CCT6B: variants seen among roughly 807,000 people sequenced by gnomAD.
The protein encoded by CCT6B is chaperonin containing TCP1 subunit 6B, also known as probable T-complex protein 1 subunit zeta-2.
In CCT6B, 49 loss-of-function variants were observed where a neutral mutation model predicts 61.5. The observed-to-expected ratio is 0.80, with a 90% CI of 0.63 to 1.01. The LOEUF is 1.01. CCT6B is among the 50% of genes least tolerant of loss of function. The probability of loss-of-function intolerance (pLI) is 0.00; values close to 1 mark genes in which losing one functional copy is unlikely to be tolerated. For synonymous variants in CCT6B, 228 were observed against 214.5 expected, an observed-to-expected ratio of 1.06 and a Z score of -0.55; for missense variants, 666 against 634.7, an observed-to-expected ratio of 1.05 and a Z score of -0.53.
At chr17:34,950,145 T>C (rs1219796129) in intron 5 of CCT6B, among the ~76,000 whole-genome samples, 1 of 152,126 alleles carries the variant, frequency 6.6e-6, no homozygotes, top group Non-Finnish European at 1.5e-5. Context: ...CTAGTTGAAA[T>C]TAGAAAATAT....
At chr17:34,942,442 A>T in intron 7 of CCT6B, 42 bp downstream of exon 7, 1 of 1,517,442 alleles carries the variant, frequency 6.6e-7, no homozygotes, top group South Asian at 1.2e-5. Context: ...GAAATGCTTA[A>T]GAACATTTAC....
In CCT6B at chr17:34,942,564, C is replaced by A. The variant is rs570795534; in HGVS notation, c.805G>T (p.Asp269Tyr). 15 of 1,607,180 alleles carry A rather than the reference C, an allele frequency of 9.3e-6. No individual in the cohort carries two copies. Among genetic ancestry groups the A allele is most frequent in the Non-Finnish European group, 1.3e-5 (15 of 1,176,588 alleles). Residue 269 changes from aspartate (D) to tyrosine (Y), a missense_variant, in exon 7 of 14, where the codon GAT (aspartate) becomes TAT (tyrosine). Coordinates refer to ENST00000314144, the MANE Select transcript of CCT6B (RefSeq NM_006584.4). ...AGGTCTATTATTTTTTGTACTCTAT[C>A]TTCAATAAATTTTCTTTCAGCTTTT... The part of the protein sequence containing the change: ...LVKAERKFIE[D>Y]RVQKIIDLKD...
chr17:34,940,290 T>C (rs543681451), intron 8 of CCT6B, among the ~76,000 whole-genome samples: 10 of 152,210 alleles, frequency 6.6e-5, no homozygotes, highest in Non-Finnish European at 1.2e-4. Context: ...TATGTTGTAT[T>C]GTTTTGTTTT....
chr17:34,936,184 G>T (rs1317129352), intron 10 of CCT6B, among the ~76,000 whole-genome samples: 2 of 152,040 alleles, frequency 1.3e-5, no homozygotes, highest in Non-Finnish European at 2.9e-5. Context: ...CCTGACCTCA[G>T]GTGACCCATG....
intron 5 of CCT6B, chr17:34,949,473 A>AT (rs2090265980): frequency 1.4e-5 from 2 of 145,088 alleles, no homozygotes; most frequent in Admixed American, 1.4e-4. Flanking sequence ...AAAAAAAAAA[A>AT]GAAAGGAAAG....
chr17:34,929,092 T>C, intron 12 of CCT6B, 58 bp from the exon 13 acceptor site: 1 of 1,011,246 alleles, frequency 9.9e-7, no homozygotes, highest in Non-Finnish European at 1.5e-6. Flanking sequence ...TAATATTAAT[T>C]GATATCTTCT....
intron 5 of CCT6B, among the ~76,000 whole-genome samples, chr17:34,948,713 TA>T (rs1555550225): frequency 1.7e-3 from 127 of 75,338 alleles, no homozygotes; most frequent in Middle Eastern, 0.01. Context: ...AAACTCCATC[TA>T]AAAAAAAAAA....
rs925769794 is a variant in CCT6B, at chr17:34,939,418, A to G, written c.1066-88T>C. On this transcript the variant is annotated intron_variant, in intron 9 of 13. Transcript: ENST00000314144. ...ATACTAGAATACAATCTTCATTTGA[A>G]TTTTTCTTATCAAGCATAACTAAGG... is the stretch of plus-strand genomic sequence containing the variant. The G allele has an allele frequency of 6.9e-6, 8 of 1,159,304 alleles. No individual in the cohort carries two copies. The African/African-American group carries it at 1.1e-4, about 16-fold the overall frequency. 71.8% of individuals were successfully genotyped at this position (1,159,304 alleles called of 1,614,324 possible).
chr17:34,936,174 C>G (rs2090091884), intron 10 of CCT6B, among the ~76,000 whole-genome samples: 1 of 152,082 alleles, frequency 6.6e-6, no homozygotes, highest in Non-Finnish European at 1.5e-5. Context: ...GTCTTGAACT[C>G]CTGACCTCAG....
intron 1 of CCT6B, 65 bp from the exon 2 acceptor site, chr17:34,959,715 A>C: frequency 9.0e-7 from 1 of 1,112,664 alleles, no homozygotes; most frequent in East Asian, 2.4e-5. Context: ...TTGCCACTCC[A>C]TTATCCTTAA....
intron 12 of CCT6B, among the ~76,000 whole-genome samples, chr17:34,929,961 C>A (rs1053839172): frequency 6.6e-6 from 1 of 152,204 alleles, no homozygotes; most frequent in Non-Finnish European, 1.5e-5. Flanking sequence ...CAACCTGCTC[C>A]AGCCAGTATT....
At chr17:34,941,291 TA>T (rs1378819997) in intron 7 of CCT6B, among the ~76,000 whole-genome samples, 1 of 152,206 alleles carries the variant, frequency 6.6e-6, no homozygotes, top group Non-Finnish European at 1.5e-5. Flanking sequence ...GTCATGTAGA[TA>T]GCATCAGTTC....
chr17:34,948,695 C>T (rs1427370958), intron 5 of CCT6B, among the ~76,000 whole-genome samples: 1 of 119,668 alleles, frequency 8.4e-6, no homozygotes, highest in African/African-American at 3.1e-5. Flanking sequence ...GCCTGGGTAA[C>T]AAGAGTGAAA....
chr17:34,949,650 GAA>G (rs2090269672), intron 5 of CCT6B: 1 of 151,958 alleles, frequency 6.6e-6, no homozygotes, highest in African/African-American at 2.4e-5. Context: ...GACATTACTA[GAA>G]AAAAGTCACT....
Position 34,942,640 on chromosome 17 carries a change from C to T in CCT6B, c.729G>A (p.Glu243=). ...TCTTATAAAAGAAACCAGAGTTCAC[C>T]TCTCTAAAAGATTAATAAAAACCAG... ...CNVSLEYEKT[E]VNSGFFYKTA... is the part of the protein sequence containing the mutation. Residue 243 remains glutamate (E), a synonymous_variant, in exon 7 of 14, where the codon GAG becomes GAA. Transcript: ENST00000314144. 1.9e-6 allele frequency: 3 copies of T among 1,583,802 alleles called. No individual in the cohort carries two copies. Among genetic ancestry groups the T allele is most frequent in the Non-Finnish European group, 1.7e-6 (2 of 1,170,982 alleles).
intron 3 of CCT6B, 112 bp downstream of exon 3, chr17:34,958,448 T>A (rs2090373051): frequency 1.8e-6 from 1 of 554,896 alleles, no homozygotes; most frequent in Non-Finnish European, 2.7e-6. Context: ...CATCTCAAAA[T>A]TAATTAATTA....
Position 34,939,265 on chromosome 17 carries a change from T to C in CCT6B, c.1131A>G (p.Lys377=), listed in dbSNP as rs2142148270. ...VNPCSVTLLV[K]GPNKHTLTQV... ...GTGTGAGAGTATGCTTATTTGGTCC[T>C]TTAACCAACAAGGTAACAGAGCAAG... is the stretch of plus-strand genomic sequence containing the variant. Residue 377 remains lysine, a synonymous_variant, in exon 10 of 14, where the codon AAA becomes AAG. Coordinates refer to ENST00000314144, the MANE Select transcript of CCT6B (RefSeq NM_006584.4). 6.2e-7 allele frequency: 1 copy of C among 1,613,890 alleles called. No homozygotes were observed. The highest frequency in any genetic ancestry group is 1.1e-5 in the South Asian group (1 of 91,074).
At chr17:34,949,095 G>GGGAGGGGAAGGAAAAGAAAA (rs1555550302) in intron 5 of CCT6B, among the ~76,000 whole-genome samples, 1 of 86,282 alleles carries the variant, frequency 1.2e-5, no homozygotes, top group Admixed American at 1.6e-4. Flanking sequence ...GGGAGGGGAG[G>GGGAGGGGAAGGAAAAGAAAA]GAAAAGAAAA....
At position 34,942,676 on chromosome 17, in the gene CCT6B, C is replaced by A. The variant is rs1308503955; in HGVS notation, c.726-33G>T. ...ATTAATAAAAACCAGCTAGTAAAGG[C>A]AGGAGGAAAAAGGAAAAAAGATAGA... On this transcript the variant is annotated intron_variant, in intron 6 of 13. Transcript: ENST00000314144. The A allele has an allele frequency of 3.2e-6, 5 of 1,553,080 alleles. No homozygotes were observed. The African/African-American group carries it at 5.6e-5, about 17-fold the overall frequency.
Sources: gnomAD v4.1 joint callset for allele counts (sites outside exome capture counted in the v4.1 genomes callset) on GRCh38, gnomAD v4.1.1 for gene constraint, MANE v1.5 for transcripts, NCBI Gene and HGNC (gene_info 2026-07-23, HGNC 2026-07-21) for gene names.